The following FILIP1 variants were observed in gnomAD, a reference collection of about 807,000 sequenced individuals.
The protein encoded by FILIP1 is filamin A interacting protein 1, also known as filamin-A-interacting protein 1.
A neutral mutation model predicts 102.1 loss-of-function variants in FILIP1; 61 were observed. The ratio of observed to expected loss-of-function variants is 0.60; its 90% CI spans 0.49 to 0.74. The LOEUF (loss-of-function observed/expected upper bound fraction) is 0.74. FILIP1 is among the 30% of genes least tolerant of loss of function. The pLI is 0.00. For synonymous variants in FILIP1, 491 were observed against 526.9 expected (o/e 0.93, Z 0.93); for missense variants, 1,314 against 1,441.2 (o/e 0.91, Z 1.43).
At chr6:75,326,383 C>T (rs1451463583) in intron 4 of FILIP1, among the ~76,000 whole-genome samples, 1 of 152,100 alleles carries the variant, frequency 6.6e-6, no homozygotes, top group Non-Finnish European at 1.5e-5. Flanking sequence ...AAAGACTACA[C>T]ATTGAGTTCA....
intron 1 of FILIP1, among the ~76,000 whole-genome samples, chr6:75,491,113 T>G (rs1779943732): frequency 6.6e-6 from 1 of 152,128 alleles, no homozygotes; most frequent in Non-Finnish European, 1.5e-5. Flanking sequence ...AAGAATCACT[T>G]CTAAAATGTA....
chr6:75,358,100 G>A (rs555754551), intron 3 of FILIP1, among the ~76,000 whole-genome samples: 1 of 152,208 alleles, frequency 6.6e-6, no homozygotes, highest in South Asian at 2.1e-4. Flanking sequence ...TAAGGAAAGA[G>A]TGTACCTGGA....
chr6:75,315,145 A>G lies in FILIP1; in HGVS notation c.687T>C (p.Asn229=). ...CTCTTAGTTTATTGAGTCGTTTAGC[A>G]TTTTCCTTTTCTTTGCGGGCTTGAT... ...KAYQARKEKE[N]AKRLNKLRDE... The change falls in exon 5 of 6, where the codon AAT becomes AAC. Residue 229 remains asparagine (N), a synonymous_variant. Transcript: ENST00000237172. The G allele has an allele frequency of 6.3e-7, 1 of 1,594,898 alleles. No homozygotes were observed. Among genetic ancestry groups the G allele is most frequent in the Non-Finnish European group, 8.5e-7 (1 of 1,174,346 alleles).
intron 1 of FILIP1, among the ~76,000 whole-genome samples, chr6:75,433,254 C>T (rs2464435): frequency 0.67 from 101,234 of 152,110 alleles, 34,223 homozygotes; most frequent in African/African-American, 0.77. Flanking sequence ...AATTGCCACA[C>T]TGTCTTCCAC....
Position 75,314,580 on chromosome 6 carries a change from T to A in FILIP1, c.1252A>T (p.Ser418Cys). ...TCAACTTCAAGTCTGAGCTCCTTACTATGGTGTTCTTCCTCTTGCAGCTTC... is the reference window on the plus strand; with the variant it reads ...TCAACTTCAAGTCTGAGCTCCTTACAATGGTGTTCTTCCTCTTGCAGCTTC... Reference protein sequence around the residue: ...RKKLQEEEHHSKELRLEVEKL... With the variant: ...RKKLQEEEHHCKELRLEVEKL... Residue 418 changes from serine to cysteine, a missense_variant, in exon 5 of 6, where the codon AGT becomes TGT. Transcript: ENST00000237172. 6.2e-7 allele frequency: 1 copy of A among 1,614,010 alleles called. No homozygotes were observed. The highest frequency in any genetic ancestry group is 1.1e-5 in the South Asian group (1 of 91,034).
chr6:75,408,997 C>T (rs189602774), intron 2 of FILIP1, among the ~76,000 whole-genome samples: 8 of 152,268 alleles, frequency 5.3e-5, no homozygotes, highest in African/African-American at 1.4e-4. Context: ...CATTGAGGCT[C>T]AGATCCCATT....
At chr6:75,297,085 T>A (rs1018953423) in intron 6 of FILIP1, 1 of 152,122 alleles carries the variant, frequency 6.6e-6, no homozygotes. Context: ...AGTTTCTTCA[T>A]CCAAAAAATT....
intron 4 of FILIP1, among the ~76,000 whole-genome samples, chr6:75,316,603 G>A (rs73453735): frequency 0.015 from 2,316 of 152,196 alleles, 64 homozygotes; most frequent in African/African-American, 0.053. Flanking sequence ...TGTGAGATAA[G>A]TATTACAGAA....
intron 1 of FILIP1, among the ~76,000 whole-genome samples, chr6:75,492,024 C>G (rs1449504075): frequency 2.0e-5 from 3 of 152,192 alleles, no homozygotes; most frequent in African/African-American, 7.2e-5. Context: ...TTTTCAAACT[C>G]CTTCAAGACA....
chr6:75,493,553 A>C lies in FILIP1; in HGVS notation c.-146T>G, dbSNP rs1356324618. The C allele has an allele frequency of 6.6e-6, 1 of 152,212 alleles. No individual in the cohort carries two copies. The highest frequency in any genetic ancestry group is 1.5e-5 in the Non-Finnish European group (1 of 68,050). The allele number at this position is 152,212 out of a possible 1,614,324, so 9.4% of individuals were successfully genotyped here. A position where few individuals can be genotyped will look rare whatever the true frequency, so the allele number is the denominator to read the frequency against. ...CAGCCCAAAAGAATACAGAGGAAAA[A>C]GCTTTTCCCACTTTCTTTCCCAGGA... On this transcript the variant is annotated 5_prime_UTR_variant, in exon 1 of 6. Coordinates refer to ENST00000237172, the MANE Select transcript of FILIP1 (RefSeq NM_015687.5).
chr6:75,462,874 T>C (rs938513327), intron 1 of FILIP1, among the ~76,000 whole-genome samples: 5 of 152,122 alleles, frequency 3.3e-5, no homozygotes, highest in African/African-American at 1.2e-4. Flanking sequence ...ACCTCCCTCA[T>C]AACCACAGTG....
intron 1 of FILIP1, among the ~76,000 whole-genome samples, chr6:75,441,500 C>T (rs1392330308): frequency 6.6e-6 from 1 of 152,112 alleles, no homozygotes; most frequent in African/African-American, 2.4e-5. Context: ...GTTGGGTACA[C>T]CTCCCAGACG....
intron 6 of FILIP1, among the ~76,000 whole-genome samples, chr6:75,298,510 A>G (rs1484408550): frequency 6.6e-6 from 1 of 152,222 alleles, no homozygotes; most frequent in Non-Finnish European, 1.5e-5. Context: ...AACTTATTAA[A>G]CAGATTTACT....
chr6:75,312,627 T>G lies in FILIP1; in HGVS notation c.3205A>C (p.Ile1069Leu). The G allele has an allele frequency of 6.2e-7, 1 of 1,614,208 alleles. No homozygotes were observed. The highest frequency in any genetic ancestry group is 8.5e-7 in the Non-Finnish European group (1 of 1,180,034). ...IITTEDNKIH[I>L]HLGSQFKRSP... ...CGTTTAAACTGAGACCCTAAGTGAATGTGAATTTTATTGTCCTCTGTGGTT... is the reference window on the plus strand; with the variant it reads ...CGTTTAAACTGAGACCCTAAGTGAAGGTGAATTTTATTGTCCTCTGTGGTT... Residue 1069 changes from isoleucine to leucine, a missense_variant, in exon 5 of 6, where the codon ATT becomes CTT. Ile to Leu is a conservative substitution (Grantham distance 5, BLOSUM62 2). Around this residue, in one of 3 missense-constraint regions of FILIP1, gnomAD observed 816 missense variants for 913.1 expected, o/e 0.89. Coordinates refer to ENST00000237172, the MANE Select transcript of FILIP1 (RefSeq NM_015687.5).
chr6:75,413,423 C>T (rs933784524), intron 2 of FILIP1, among the ~76,000 whole-genome samples: 1 of 152,102 alleles, frequency 6.6e-6, no homozygotes, highest in Non-Finnish European at 1.5e-5. Context: ...TTATCTTTTG[C>T]TGTGAAATGC....
At position 75,362,771 on chromosome 6, in the gene FILIP1, T is replaced by G. The variant is rs765244091; in HGVS notation, c.423A>C (p.Glu141Asp). 6.2e-7 allele frequency: 1 copy of G among 1,613,722 alleles called. No individual in the cohort carries two copies. Among genetic ancestry groups the G allele is most frequent in the Non-Finnish European group, 8.5e-7 (1 of 1,179,986 alleles). Residue 141 changes from glutamate (E) to aspartate (D), a missense_variant, in exon 3 of 6, where the codon GAA becomes GAC. Around this residue, in one of 3 missense-constraint regions of FILIP1, gnomAD observed 494 missense variants for 511.2 expected, o/e 0.97. Coordinates refer to ENST00000237172, the MANE Select transcript of FILIP1 (RefSeq NM_015687.5). ...CTGAAATCGGTTTCTCATAGACATCTTCTCCTATGGATTTCTCCTGGGCAA... is the reference window on the plus strand; with the variant it reads ...CTGAAATCGGTTTCTCATAGACATCGTCTCCTATGGATTTCTCCTGGGCAA... Reference protein sequence around the residue: ...AILAQEKSIGEDVYEKPISEL... With the variant: ...AILAQEKSIGDDVYEKPISEL...
At chr6:75,319,352 C>T (rs1043775957) in intron 4 of FILIP1, 36 of 635,090 alleles carry the variant, frequency 5.7e-5, no homozygotes, top group Non-Finnish European at 9.6e-5. Context: ...CAGAGCAGAA[C>T]ATGAAAAAGG....
At chr6:75,371,684 T>C (rs1775523887) in intron 2 of FILIP1, among the ~76,000 whole-genome samples, 1 of 152,166 alleles carries the variant, frequency 6.6e-6, no homozygotes, top group South Asian at 2.1e-4. Flanking sequence ...TATAGACAAA[T>C]GATTTTCTAC....
intron 2 of FILIP1, among the ~76,000 whole-genome samples, chr6:75,382,983 G>T (rs1237823020): frequency 6.6e-6 from 1 of 152,200 alleles, no homozygotes; most frequent in Non-Finnish European, 1.5e-5. Flanking sequence ...TATTTTGAGA[G>T]TCTTCACCTA....
Sources: gnomAD v4.1 joint callset for allele counts (sites outside exome capture counted in the v4.1 genomes callset) on GRCh38, gnomAD v4.1.1 for gene constraint, gnomAD v4.1.1 regional missense constraint, MANE v1.5 for transcripts, NCBI Gene and HGNC (gene_info 2026-07-23, HGNC 2026-07-21) for gene names.